TOR1A: variants seen among roughly 807,000 people sequenced by gnomAD.
The protein encoded by TOR1A is torsin family 1 member A.
Under a neutral mutation model 31.4 loss-of-function variants are expected in TOR1A, and 18 were observed. The observed-to-expected ratio is 0.57, with a 90% CI of 0.40 to 0.85. The LOEUF is 0.85. Ranked by LOEUF, TOR1A falls within the 40% of genes least tolerant of loss-of-function variation. The pLI is 0.00. For missense variants in TOR1A, 375 were observed against 416.4 expected (o/e 0.90, Z 0.87); for synonymous variants, 168 against 165.9 (o/e 1.01, Z -0.10).
At chr9:129,820,495 G>A (rs1283462539) in intron 2 of TOR1A, among the ~76,000 whole-genome samples, 1 of 152,198 alleles carries the variant, frequency 6.6e-6, no homozygotes, top group Non-Finnish European at 1.5e-5. Context: ...TTTTACAAAT[G>A]AGAAAACTGA....
In TOR1A at chr9:129,818,826, A is replaced by G. The variant is rs767114942; in HGVS notation, c.539T>C (p.Ile180Thr). The change falls in exon 3 of 5, where the codon ATA (isoleucine) becomes ACA (threonine). Residue 180 changes from isoleucine (I) to threonine (T), a missense_variant. Ile to Thr is a moderately conservative substitution (Grantham distance 89). Coordinates refer to ENST00000351698, the MANE Select transcript of TOR1A (RefSeq NM_000113.3). The part of the protein sequence containing the change: ...DEMDKMHAGL[I>T]DAIKPFLDYY... ...GTCGAGGAAAGGCTTGATGGCATCT[A>G]TGAGGCCTGCATGCATCTTATCCAT... 5 of 1,613,822 alleles carry G rather than the reference A, an allele frequency of 3.1e-6. No homozygotes were observed. Among genetic ancestry groups the G allele is most frequent in the Admixed American group, 3.3e-5 (2 of 59,992 alleles).
At position 129,814,085 on chromosome 9, in the gene TOR1A, T is replaced by C. The variant is rs143571401; in HGVS notation, c.886A>G (p.Ile296Val). 118 of 1,614,086 alleles carry C rather than the reference T, an allele frequency of 7.3e-5. No homozygotes were observed. The highest frequency in any genetic ancestry group is 9.2e-5 in the Non-Finnish European group (109 of 1,180,034). Residue 296 changes from isoleucine to valine, a missense_variant, in exon 5 of 5, where the codon ATT becomes GTT. Coordinates refer to ENST00000351698, the MANE Select transcript of TOR1A (RefSeq NM_000113.3). ...ATCTCCTCAGCCACTCTGCTTACAA[T>C]GTCTTCATCAATTTCATAGCCTCGG... ...QSRGYEIDED[I>V]VSRVAEEMTF...
At chr9:129,817,235 C>T (rs1158881434) in intron 4 of TOR1A, among the ~76,000 whole-genome samples, 1 of 152,182 alleles carries the variant, frequency 6.6e-6, no homozygotes, top group African/African-American at 2.4e-5. Flanking sequence ...GGCTGTTTCA[C>T]ACGGTGCCCA....
rs559151715 is a variant in TOR1A at position 129,819,154 on chromosome 9, G to C, written c.445-234C>G. Among the ~76,000 whole-genome samples the C allele has an allele frequency of 3.9e-5, 6 of 152,250 alleles. No homozygotes were observed. The South Asian group carries it at 1.2e-3, about 32-fold the overall frequency. ...GAGAGCGCTTACTCCACTTGCCCAA[G>C]ACTATATGTGGCAGAGCTGGGACCT... On this transcript the variant is annotated intron_variant, in intron 2 of 4. Transcript: ENST00000351698.
At chr9:129,822,545 G>A (rs770501919) in intron 2 of TOR1A, 36 bp downstream of exon 2, 1 of 1,613,486 alleles carries the variant, frequency 6.2e-7, no homozygotes, top group Non-Finnish European at 8.5e-7. Flanking sequence ...CAAACCCGAT[G>A]ACATCCAGGA....
chr9:129,824,052 G>A lies in TOR1A; in HGVS notation c.34C>T (p.Leu12=), dbSNP rs551337283. Residue 12 remains leucine, a synonymous_variant, in exon 1 of 5, where the codon CTG becomes TTG. Transcript: ENST00000351698. The part of the protein sequence containing the change: ...KLGRAVLGLL[L]LAPSVVQAVE... ...GCCTGCACCACGGACGGCGCCAGCAGCAGCAGGCCCAGCACGGCCCGGCCC... is the reference window on the plus strand; with the variant it reads ...GCCTGCACCACGGACGGCGCCAGCAACAGCAGGCCCAGCACGGCCCGGCCC... 19 of 1,603,290 alleles carry A rather than the reference G, an allele frequency of 1.2e-5. No homozygotes were observed. The highest frequency in any genetic ancestry group is 1.0e-4 in the South Asian group (9 of 89,812).
Position 129,818,502 on chromosome 9 carries a change from G to A in TOR1A, c.748+18C>T. ...GATTAGGAACCAGATGGGACTGGCG[G>A]TGGATGGCCCTACTCACTGTTCTTG... is the stretch of plus-strand genomic sequence containing the variant. On this transcript the variant is annotated intron_variant, in intron 4 of 4. Coordinates refer to ENST00000351698, the MANE Select transcript of TOR1A (RefSeq NM_000113.3). 6.2e-7 allele frequency: 1 copy of A among 1,613,828 alleles called. No homozygotes were observed. The highest frequency in any genetic ancestry group is 1.3e-5 in the African/African-American group (1 of 75,046).
chr9:129,823,779 C>T, intron 1 of TOR1A, 129 bp downstream of exon 1: 1 of 1,228,114 alleles, frequency 8.1e-7, no homozygotes, highest in Non-Finnish European at 1.1e-6. Flanking sequence ...CAGCCCTAGT[C>T]CTAGCCCGGC....
chr9:129,819,939 AAAAT>A lies in TOR1A; in HGVS notation c.445-1023_445-1020del, dbSNP rs1250131871. ...GAGCAAGACTCCGTCTCAAAAAAAA[AAAAT>A]AATAATAATAATAAATAAATAAAAT... is the stretch of plus-strand genomic sequence containing the variant. On this transcript the variant is annotated intron_variant, in intron 2 of 4. Transcript: ENST00000351698. Among the ~76,000 whole-genome samples the A allele has an allele frequency of 1.3e-4, 19 of 148,746 alleles. 2 individuals carry two copies. The highest frequency in any genetic ancestry group is 3.5e-3 in the Middle Eastern group (1 of 288).
intron 4 of TOR1A, among the ~76,000 whole-genome samples, chr9:129,816,414 A>AT (rs1202864761): frequency 6.6e-6 from 1 of 152,184 alleles, no homozygotes; most frequent in Non-Finnish European, 1.5e-5. Flanking sequence ...CGATGTGTGC[A>AT]TATGTACTGC....
intron 1 of TOR1A, chr9:129,823,352 T>C (rs1030459233): frequency 1.4e-5 from 4 of 286,446 alleles, no homozygotes; most frequent in Non-Finnish European, 2.7e-5. Context: ...GGCACGTCTG[T>C]GGTCATGGCC....
chr9:129,822,930 A>G lies in TOR1A; in HGVS notation c.179-84T>C, dbSNP rs571112629. Reference sequence around the variant, plus strand: ...TTTACAGCCCATAAGAAAGCCAGCAAAGCCGTCTAGACGCCCTCCAAGCAC... The same window carrying G: ...TTTACAGCCCATAAGAAAGCCAGCAGAGCCGTCTAGACGCCCTCCAAGCAC... On this transcript the variant is annotated intron_variant, in intron 1 of 4. Coordinates refer to ENST00000351698, the MANE Select transcript of TOR1A (RefSeq NM_000113.3). 8.1e-6 allele frequency: 13 copies of G among 1,601,132 alleles called. No homozygotes were observed. In the African/African-American group the frequency reaches 1.3e-4, roughly 16 times the overall value.
intron 2 of TOR1A, chr9:129,822,269 A>G (rs1479656633): frequency 2.6e-6 from 1 of 387,800 alleles, no homozygotes; most frequent in East Asian, 6.4e-5. Flanking sequence ...CCGTCTCAAA[A>G]TAAAGAAAAA....
chr9:129,819,736 G>A (rs186142476), intron 2 of TOR1A, among the ~76,000 whole-genome samples: 6 of 150,076 alleles, frequency 4.0e-5, no homozygotes, highest in Admixed American at 2.0e-4. Flanking sequence ...CCAGCGTGGC[G>A]ACAGAGCAAG....
At chr9:129,816,958 A>C (rs184310151) in intron 4 of TOR1A, among the ~76,000 whole-genome samples, 17 of 152,308 alleles carry the variant, frequency 1.1e-4, no homozygotes, top group African/African-American at 3.6e-4. Context: ...CCAGAACCTG[A>C]AGCGCAAAGA....
At chr9:129,821,086 T>C (rs2031174348) in intron 2 of TOR1A, among the ~76,000 whole-genome samples, 1 of 152,180 alleles carries the variant, frequency 6.6e-6, no homozygotes, top group African/African-American at 2.4e-5. Context: ...TGGATGACCT[T>C]GAGGTCAGGA....
At position 129,818,524 on chromosome 9, in the gene TOR1A, CTT is replaced by C. The variant is rs754190263; in HGVS notation, c.742_743del (p.Lys248GlufsTer11). On this transcript the variant is annotated frameshift_variant, in exon 4 of 5. Coordinates refer to ENST00000351698, the MANE Select transcript of TOR1A (RefSeq NM_000113.3). LOFTEE classifies it high-confidence loss of function. ...GCGGTGGATGGCCCTACTCACTGTT[CTT>C]GTTATTGAAAACCGACACAGACAAC... ...HALSVSVFNN[K>X]NSGFWHSSLI... The C allele has an allele frequency of 8.7e-6, 14 of 1,614,110 alleles. No homozygotes were observed. The highest frequency in any genetic ancestry group is 1.1e-5 in the Non-Finnish European group (13 of 1,180,030).
chr9:129,823,801 C>A, intron 1 of TOR1A, 107 bp downstream of exon 1: 2 of 1,313,072 alleles, frequency 1.5e-6, no homozygotes, highest in Non-Finnish European at 1.0e-6. Context: ...CTGGTGCCAT[C>A]CCCCGGCCTC....
intron 4 of TOR1A, 22 bp from the exon 5 acceptor site, chr9:129,814,244 C>T (rs1461751060): frequency 2.5e-6 from 4 of 1,613,884 alleles, no homozygotes; most frequent in African/African-American, 1.3e-5. Context: ...AAACAAGGTG[C>T]TGTTCATCCA....
Sources: gnomAD v4.1 joint callset for allele counts (sites outside exome capture counted in the v4.1 genomes callset) on GRCh38, gnomAD v4.1.1 for gene constraint, MANE v1.5 for transcripts, NCBI Gene and HGNC (gene_info 2026-07-23, HGNC 2026-07-21) for gene names.